PTPRG: variants seen among roughly 807,000 people sequenced by gnomAD.
PTPRG encodes protein tyrosine phosphatase receptor type G, also known as receptor-type tyrosine-protein phosphatase gamma.
A neutral mutation model predicts 165.3 loss-of-function variants in PTPRG; 102 were observed. The ratio of observed to expected loss-of-function variants is 0.62; its 90% CI spans 0.53 to 0.73. The LOEUF is 0.73. PTPRG is among the 30% of genes least tolerant of loss of function. The pLI is 0.00. For missense variants in PTPRG, 1,866 were observed against 1,861.4 expected (o/e 1.00, Z -0.05); for synonymous variants, 675 against 669.5 (o/e 1.01, Z -0.13).
rs1703180886 is a variant in PTPRG, at chr3:62,123,957, C to A, written c.616-8645C>A. Reference sequence around the variant, plus strand: ...TGGTGGGAATAGTATATGAAAAAAACCTTCCAACTGCAGAAAGGGCATTTA... The same window carrying A: ...TGGTGGGAATAGTATATGAAAAAAAACTTCCAACTGCAGAAAGGGCATTTA... On this transcript the variant is annotated intron_variant, in intron 5 of 29. Transcript: ENST00000474889. 2.0e-5 allele frequency among the ~76,000 whole-genome samples: 3 copies of A among 152,100 alleles called. No homozygotes were observed. The South Asian group carries it at 6.2e-4, about 31-fold the overall frequency.
chr3:61,617,978 A>G (rs1023720184), intron 1 of PTPRG, among the ~76,000 whole-genome samples: 3 of 152,220 alleles, frequency 2.0e-5, no homozygotes. Context: ...TAAAAATTTC[A>G]CTGAATTATA....
At chr3:62,070,720 C>T (rs543349062) in intron 4 of PTPRG, among the ~76,000 whole-genome samples, 19 of 152,264 alleles carry the variant, frequency 1.2e-4, no homozygotes, top group Non-Finnish European at 1.9e-4. Flanking sequence ...CATCATCCTA[C>T]GCATGTCATC....
intron 4 of PTPRG, among the ~76,000 whole-genome samples, chr3:62,024,270 A>G (rs1351282392): frequency 2.0e-5 from 3 of 152,118 alleles, no homozygotes; most frequent in Non-Finnish European, 4.4e-5. Context: ...GTTTAACCCA[A>G]CCTGGTAATA....
chr3:61,839,715 A>G (rs2036567639), intron 2 of PTPRG, among the ~76,000 whole-genome samples: 1 of 152,250 alleles, frequency 6.6e-6, no homozygotes, highest in African/African-American at 2.4e-5. Context: ...GAAAATAAAC[A>G]TTTAGAGAAA....
intron 2 of PTPRG, among the ~76,000 whole-genome samples, chr3:61,800,952 T>G (rs185123246): frequency 1.3e-3 from 198 of 152,232 alleles, no homozygotes; most frequent in Admixed American, 8.4e-3. Context: ...GCCAGAACTC[T>G]GCACAGTACC....
chr3:61,671,619 A>G (rs901750907), intron 1 of PTPRG, among the ~76,000 whole-genome samples: 5 of 147,584 alleles, frequency 3.4e-5, no homozygotes, highest in Non-Finnish European at 6.0e-5. Flanking sequence ...CAAAACCGCC[A>G]TTGTCATCAT....
rs1310793802 is a variant in PTPRG, at chr3:61,661,332, TA to T, written c.86-87543del. Among the ~76,000 whole-genome samples, 776 of 133,474 alleles carry T rather than the reference TA, an allele frequency of 5.8e-3. 6 individuals carry two copies. The highest frequency in any genetic ancestry group is 0.017 in the African/African-American group (621 of 36,234). The allele number at this position is 133,474 out of a possible 152,430, so 87.6% of individuals were successfully genotyped here. ...TTATAAAAGTTTCCTTTTTTTTTTT[TA>T]AATTTTTAAGAGAGAAGTGATTTCT... is the stretch of plus-strand genomic sequence containing the variant. On this transcript the variant is annotated intron_variant, in intron 1 of 29. Transcript: ENST00000474889.
At chr3:62,142,258 G>A (rs1163037100) in intron 6 of PTPRG, among the ~76,000 whole-genome samples, 1 of 152,010 alleles carries the variant, frequency 6.6e-6, no homozygotes, top group African/African-American at 2.4e-5. Context: ...TATTGCTTAG[G>A]AGTTTATATG....
rs754819414 is a variant in PTPRG at position 61,562,296 on chromosome 3, G to A, written c.9G>A (p.Arg3=). The A allele has an allele frequency of 2.5e-6, 4 of 1,613,636 alleles. No individual in the cohort carries two copies. The highest frequency in any genetic ancestry group is 2.2e-5 in the South Asian group (2 of 91,082). MR[R]LLEPCWWILF... ...GATGTGCGTTTTCGGACATGCGGAG[G>A]TTACTGGAACCGTGTTGGTGGATTT... Residue 3 remains arginine (R), a synonymous_variant, in exon 1 of 30, where the codon AGG becomes AGA. Coordinates refer to ENST00000474889, the MANE Select transcript of PTPRG (RefSeq NM_002841.4).
intron 4 of PTPRG, among the ~76,000 whole-genome samples, chr3:62,034,443 T>C (rs758504022): frequency 9.9e-5 from 15 of 152,204 alleles, no homozygotes; most frequent in Non-Finnish European, 1.8e-4. Flanking sequence ...GTGAGTGGTG[T>C]TGATGCAGTT....
At chr3:61,978,595 T>A (rs2040563341) in intron 2 of PTPRG, among the ~76,000 whole-genome samples, 2 of 152,220 alleles carry the variant, frequency 1.3e-5, no homozygotes, top group Admixed American at 6.5e-5. Context: ...CTTGTAAACA[T>A]ATGTATTAAG....
chr3:61,717,796 A>AAAAT (rs60025260), intron 1 of PTPRG, among the ~76,000 whole-genome samples: 11,860 of 152,118 alleles, frequency 0.078, 795 homozygotes, highest in African/African-American at 0.18. Context: ...TTTAAAAATA[A>AAAAT]AAATAAAAAT....
chr3:61,711,254 T>C (rs2031539458), intron 1 of PTPRG, among the ~76,000 whole-genome samples: 1 of 152,226 alleles, frequency 6.6e-6, no homozygotes, highest in Non-Finnish European at 1.5e-5. Context: ...GTCTTTATAG[T>C]AGAATGATTT....
intron 3 of PTPRG, among the ~76,000 whole-genome samples, chr3:61,995,068 TTTC>T (rs1156913588): frequency 2.6e-5 from 3 of 117,178 alleles, no homozygotes; most frequent in Non-Finnish European, 5.5e-5. Context: ...TTTTTTCTTT[TTTC>T]TTTTCTTTCT....
chr3:62,026,733 A>C (rs1212955891), intron 4 of PTPRG, among the ~76,000 whole-genome samples: 1 of 152,040 alleles, frequency 6.6e-6, no homozygotes, highest in Non-Finnish European at 1.5e-5. Context: ...AAAAATACAG[A>C]AAATTAGCCA....
At chr3:61,647,985 G>A (rs529335589) in intron 1 of PTPRG, among the ~76,000 whole-genome samples, 4 of 151,976 alleles carry the variant, frequency 2.6e-5, no homozygotes, top group Admixed American at 6.6e-5. Flanking sequence ...GTACCCATCC[G>A]TGAATCCTCT....
chr3:61,742,454 C>T, intron 1 of PTPRG: 7 of 1,418,594 alleles, frequency 4.9e-6, no homozygotes, highest in Non-Finnish European at 6.7e-6. Context: ...TCAAATGTGC[C>T]TTAATATAGG....
At chr3:61,984,612 A>C (rs548198823) in intron 2 of PTPRG, among the ~76,000 whole-genome samples, 1 of 152,168 alleles carries the variant, frequency 6.6e-6, no homozygotes. Context: ...TCTTCATTTC[A>C]TTGTCAGAGT....
intron 2 of PTPRG, among the ~76,000 whole-genome samples, chr3:61,758,899 T>A (rs562820083): frequency 6.6e-6 from 1 of 152,322 alleles, no homozygotes; most frequent in Admixed American, 6.5e-5. Context: ...GTCTAATATA[T>A]GCTTAAAGAC....
Sources: gnomAD v4.1 joint callset for allele counts (sites outside exome capture counted in the v4.1 genomes callset) on GRCh38, gnomAD v4.1.1 for gene constraint, MANE v1.5 for transcripts, NCBI Gene and HGNC (gene_info 2026-07-23, HGNC 2026-07-21) for gene names.